ASB18: variants seen among roughly 807,000 people sequenced by gnomAD.
The protein encoded by ASB18 is ankyrin repeat and SOCS box containing 18.
In ASB18, 33 loss-of-function variants were observed where a neutral mutation model predicts 33.4. The observed-to-expected ratio is 0.99, with a 90% CI of 0.75 to 1.32. The LOEUF (loss-of-function observed/expected upper bound fraction) is 1.32, where lower values mean the gene tolerates loss of function less well. Among genes scored for constraint, ASB18 ranks in the 40% most tolerant of loss-of-function variants. The pLI, the probability that ASB18 is intolerant of heterozygous loss-of-function variation, is 0.00. For synonymous variants in ASB18, 295 were observed against 307.6 expected, an observed-to-expected ratio of 0.96 and a Z score of 0.43; for missense variants, 694 against 655.5, an observed-to-expected ratio of 1.06 and a Z score of -0.64.
chr2:236,208,621 C>T lies in ASB18; in HGVS notation c.1101+5741G>A, dbSNP rs529153826. Among the ~76,000 whole-genome samples the T allele has an allele frequency of 2.0e-5, 3 of 152,284 alleles. No homozygotes were observed. In the South Asian group the frequency reaches 6.2e-4, roughly 32 times the overall value. ...GCAAAAGCACCACCTCCTCCCGCCCCTCCCCCACCGGGTCACAGACTGTGA... is the reference window on the plus strand; with the variant it reads ...GCAAAAGCACCACCTCCTCCCGCCCTTCCCCCACCGGGTCACAGACTGTGA... On this transcript the variant is annotated intron_variant, in intron 4 of 5. Coordinates refer to ENST00000409749, the MANE Select transcript of ASB18 (RefSeq NM_212556.4). This position sits in a 1 kb window ranked among gnomAD's most constrained non-coding sequence, Gnocchi z 7.7.
At chr2:236,207,370 A>G (rs1255287844) in intron 4 of ASB18, among the ~76,000 whole-genome samples, 1 of 152,118 alleles carries the variant, frequency 6.6e-6, no homozygotes, top group Non-Finnish European at 1.5e-5. Flanking sequence ...CATCTTAACC[A>G]GTACTGTTTC....
In ASB18 at chr2:236,264,376, T is replaced by A; in HGVS notation, c.-31A>T. 2 of 1,593,566 alleles carry A rather than the reference T, an allele frequency of 1.3e-6. No individual in the cohort carries two copies. Among genetic ancestry groups the A allele is most frequent in the Non-Finnish European group, 1.7e-6 (2 of 1,161,556 alleles). ...CGTCGTTTCTGCAGTGACCAGCCCT[T>A]CTTTTCTTCCTCTAAAGCGACTCCA... On this transcript the variant is annotated 5_prime_UTR_variant, in exon 1 of 6. Transcript: ENST00000409749. This position sits in a 1 kb window ranked among gnomAD's most constrained non-coding sequence, Gnocchi z 5.1.
rs1229186707 is a variant in ASB18 at position 236,241,053 on chromosome 2, G to A, written c.328+227C>T. Among the ~76,000 whole-genome samples, 1 of 152,148 alleles carries A rather than the reference G, an allele frequency of 6.6e-6. No individual in the cohort carries two copies. The highest frequency in any genetic ancestry group is 1.5e-5 in the Non-Finnish European group (1 of 68,032). ...GACAAGAGGCACACCCAGCGTCATC[G>A]GATAGGCATTCCCACCAATCGCTGC... On this transcript the variant is annotated intron_variant, in intron 2 of 5. Transcript: ENST00000409749. The surrounding 1 kb of genome is among the most constrained non-coding windows in gnomAD (Gnocchi z 4.2).
chr2:236,243,686 T>C (rs62948960), intron 1 of ASB18, among the ~76,000 whole-genome samples: 2 of 30,836 alleles, frequency 6.5e-5, no homozygotes, highest in African/African-American at 1.9e-4. Context: ...TAATGCCACA[T>C]TTTTTTTTTC....
Position 236,205,351 on chromosome 2 carries a change from T to C in ASB18, c.1102-8966A>G, listed in dbSNP as rs1478182056. Among the ~76,000 whole-genome samples the C allele has an allele frequency of 2.0e-5, 3 of 152,238 alleles. No individual in the cohort carries two copies. Among genetic ancestry groups the C allele is most frequent in the Non-Finnish European group, 4.4e-5 (3 of 68,036 alleles). On this transcript the variant is annotated intron_variant, in intron 4 of 5. Coordinates refer to ENST00000409749, the MANE Select transcript of ASB18 (RefSeq NM_212556.4). The surrounding 1 kb of genome is among the most constrained non-coding windows in gnomAD (Gnocchi z 5.4). ...GCCCACTCCAGCCTTAGGCTACAGA[T>C]GGCTGGTCCTCTGCTGGGCTGCTCT... is the stretch of plus-strand genomic sequence containing the variant.
At position 236,229,984 on chromosome 2, in the gene ASB18, G is replaced by C. The variant is rs1441977221; in HGVS notation, c.596+7705C>G. Among the ~76,000 whole-genome samples, 2 of 152,036 alleles carry C rather than the reference G, an allele frequency of 1.3e-5. No homozygotes were observed. The highest frequency in any genetic ancestry group is 4.8e-5 in the African/African-American group (2 of 41,406). On this transcript the variant is annotated intron_variant, in intron 3 of 5. Transcript: ENST00000409749. The surrounding 1 kb of genome is among the most constrained non-coding windows in gnomAD (Gnocchi z 5.2). ...AGAACAAAGATAAAACTAGGAGTTTGAGACCACCCTGGGCAGCAAAACAAG... is the reference window on the plus strand; with the variant it reads ...AGAACAAAGATAAAACTAGGAGTTTCAGACCACCCTGGGCAGCAAAACAAG...
Position 236,203,884 on chromosome 2 carries a change from AAACC to A in ASB18, c.1102-7503_1102-7500del, listed in dbSNP as rs558164843. 5.1e-4 allele frequency among the ~76,000 whole-genome samples: 62 copies of A among 120,824 alleles called. No homozygotes were observed. The highest frequency in any genetic ancestry group is 1.8e-3 in the East Asian group (7 of 3,794). The allele number at this position is 120,824 out of a possible 152,430, so 79.3% of individuals were successfully genotyped here. On this transcript the variant is annotated intron_variant, in intron 4 of 5. Coordinates refer to ENST00000409749, the MANE Select transcript of ASB18 (RefSeq NM_212556.4). This position sits in a 1 kb window ranked among gnomAD's most constrained non-coding sequence, Gnocchi z 6.0. ...CCCCTCTCAAAAACCAAACCAAACC[AAACC>A]AACCAACCAACCAACCAACCAACCA...
Position 236,241,339 on chromosome 2 carries a change from T to C in ASB18, c.269A>G (p.Glu90Gly). The change falls in exon 2 of 6, where the codon GAG (glutamate) becomes GGG (glycine). Residue 90 changes from glutamate to glycine, a missense_variant. By Grantham distance (98) the Glu-to-Gly change is moderately conservative. Transcript: ENST00000409749. The surrounding 1 kb of genome is among the most constrained non-coding windows in gnomAD (Gnocchi z 4.2). ...QFFQDANVVF[E>G]INKDEMEWQV... ...CCATTCCATCTCATCCTTATTGATC[T>C]CAAACACCACGTTGGCATCCTGGAA... 1.2e-6 allele frequency: 2 copies of C among 1,613,892 alleles called. No homozygotes were observed. Among genetic ancestry groups the C allele is most frequent in the Non-Finnish European group, 1.7e-6 (2 of 1,179,812 alleles).
In ASB18 at chr2:236,237,650, G is replaced by T. The variant is rs1195714004; in HGVS notation, c.596+39C>A. On this transcript the variant is annotated intron_variant, in intron 3 of 5. Coordinates refer to ENST00000409749, the MANE Select transcript of ASB18 (RefSeq NM_212556.4). This position sits in a 1 kb window ranked among gnomAD's most constrained non-coding sequence, Gnocchi z 6.2. ...GGGGGAGGCGGGCGTCTGGTCTCGGGGCGGGGCGGACGCCGCGGGCCTGTC... is the reference window on the plus strand; with the variant it reads ...GGGGGAGGCGGGCGTCTGGTCTCGGTGCGGGGCGGACGCCGCGGGCCTGTC... 3 of 1,362,274 alleles carry T rather than the reference G, an allele frequency of 2.2e-6. No homozygotes were observed. 84.4% of individuals were successfully genotyped at this position (1,362,274 alleles called of 1,614,324 possible). A position where few individuals can be genotyped will look rare whatever the true frequency, so the allele number is the denominator to read the frequency against.
chr2:236,264,377 C>A lies in ASB18; in HGVS notation c.-32G>T. On this transcript the variant is annotated 5_prime_UTR_variant, in exon 1 of 6. Transcript: ENST00000409749. The surrounding 1 kb of genome is among the most constrained non-coding windows in gnomAD (Gnocchi z 5.1). ...GTCGTTTCTGCAGTGACCAGCCCTT[C>A]TTTTCTTCCTCTAAAGCGACTCCAA... 5.1e-6 allele frequency: 8 copies of A among 1,576,986 alleles called. No homozygotes were observed. The highest frequency in any genetic ancestry group is 5.2e-6 in the Non-Finnish European group (6 of 1,146,748).
In ASB18 at chr2:236,237,578, G is replaced by A; in HGVS notation, c.596+111C>T. On this transcript the variant is annotated intron_variant, in intron 3 of 5. Coordinates refer to ENST00000409749, the MANE Select transcript of ASB18 (RefSeq NM_212556.4). The surrounding 1 kb of genome is among the most constrained non-coding windows in gnomAD (Gnocchi z 6.2). ...GTCAAGGGTGCAGGGTCTGGGTCCG[G>A]AGGCGGGGGCTGGGACGGAGGCGGA... 1 of 907,600 alleles carries A rather than the reference G, an allele frequency of 1.1e-6. No homozygotes were observed. The highest frequency in any genetic ancestry group is 1.5e-6 in the Non-Finnish European group (1 of 665,742). 56.2% of individuals were successfully genotyped at this position (907,600 alleles called of 1,614,324 possible).
Position 236,237,680 on chromosome 2 carries a change from G to A in ASB18, c.596+9C>T, listed in dbSNP as rs1173651794. On this transcript the variant is annotated intron_variant, in intron 3 of 5. Transcript: ENST00000409749. The surrounding 1 kb of genome is among the most constrained non-coding windows in gnomAD (Gnocchi z 6.2). Reference sequence around the variant, plus strand: ...GGCGGACGCCGCGGGCCTGTCCCGAGGTCCTTACCCGAGCGAGGCGGCCGT... The same window carrying A: ...GGCGGACGCCGCGGGCCTGTCCCGAAGTCCTTACCCGAGCGAGGCGGCCGT... The A allele has an allele frequency of 2.1e-6, 3 of 1,436,582 alleles. No homozygotes were observed. The highest frequency in any genetic ancestry group is 1.4e-5 in the South Asian group (1 of 72,244). The allele number at this position is 1,436,582 out of a possible 1,614,324, so 89.0% of individuals were successfully genotyped here.
rs2060662910 is a variant in ASB18 at position 236,250,210 on chromosome 2, G to A, written c.206-8808C>T. 1 of 152,224 alleles carries A rather than the reference G, an allele frequency of 6.6e-6. No homozygotes were observed. The highest frequency in any genetic ancestry group is 1.5e-5 in the Non-Finnish European group (1 of 68,056). 9.4% of individuals were successfully genotyped at this position (152,224 alleles called of 1,614,324 possible). On this transcript the variant is annotated intron_variant, in intron 1 of 5. Coordinates refer to ENST00000409749, the MANE Select transcript of ASB18 (RefSeq NM_212556.4). The surrounding 1 kb of genome is among the most constrained non-coding windows in gnomAD (Gnocchi z 4.1). Reference sequence around the variant, plus strand: ...ACTAGTGATTTTCTTTTCCCCAGAAGCCTCCAAGGATTAATCCAGCTGAGG... The same window carrying A: ...ACTAGTGATTTTCTTTTCCCCAGAAACCTCCAAGGATTAATCCAGCTGAGG...
At position 236,215,001 on chromosome 2, in the gene ASB18, A is replaced by G; in HGVS notation, c.597-135T>C. On this transcript the variant is annotated intron_variant, in intron 3 of 5. Transcript: ENST00000409749. The surrounding 1 kb of genome is among the most constrained non-coding windows in gnomAD (Gnocchi z 7.2). ...CTCCGCTCTCCCATACCAAGGCGTC[A>G]GGAGTTCAAACTAAACTGGAAAAAA... 1 of 530,862 alleles carries G rather than the reference A, an allele frequency of 1.9e-6. No homozygotes were observed. The highest frequency in any genetic ancestry group is 2.1e-5 in the African/African-American group (1 of 47,630). 32.9% of individuals were successfully genotyped at this position (530,862 alleles called of 1,614,324 possible).
intron 1 of ASB18, among the ~76,000 whole-genome samples, chr2:236,258,305 T>G (rs2060702473): frequency 1.3e-5 from 2 of 152,180 alleles, no homozygotes; most frequent in Admixed American, 6.5e-5. Context: ...GTTAGTCCAA[T>G]TGGTAAAGAT....
At position 236,214,120 on chromosome 2, in the gene ASB18, T is replaced by C; in HGVS notation, c.1101+242A>G. On this transcript the variant is annotated intron_variant, in intron 4 of 5. Coordinates refer to ENST00000409749, the MANE Select transcript of ASB18 (RefSeq NM_212556.4). This position sits in a 1 kb window ranked among gnomAD's most constrained non-coding sequence, Gnocchi z 6.5. ...GTCTCGTGGCTCTAACCAGAAGGCTTCTAGGCCCCTGTTCCTCAAAATGGG... is the reference window on the plus strand; with the variant it reads ...GTCTCGTGGCTCTAACCAGAAGGCTCCTAGGCCCCTGTTCCTCAAAATGGG... The C allele has an allele frequency of 1.9e-6, 1 of 535,376 alleles. No individual in the cohort carries two copies. Among genetic ancestry groups the C allele is most frequent in the Non-Finnish European group, 3.3e-6 (1 of 305,270 alleles). 33.2% of individuals were successfully genotyped at this position (535,376 alleles called of 1,614,324 possible).
chr2:236,226,950 A>G lies in ASB18; in HGVS notation c.596+10739T>C, dbSNP rs757404704. On this transcript the variant is annotated intron_variant, in intron 3 of 5. Transcript: ENST00000409749. This position sits in a 1 kb window ranked among gnomAD's most constrained non-coding sequence, Gnocchi z 4.8. ...TTAATATCTAATATTATTATGGTAT[A>G]TTTGTCAAAACTAAGAAATTAACAA... 2.0e-5 allele frequency among the ~76,000 whole-genome samples: 3 copies of G among 152,224 alleles called. No homozygotes were observed. Among genetic ancestry groups the G allele is most frequent in the Non-Finnish European group, 2.9e-5 (2 of 68,036 alleles).
chr2:236,242,144 T>C (rs1455557204), intron 1 of ASB18, among the ~76,000 whole-genome samples: 1 of 152,218 alleles, frequency 6.6e-6, no homozygotes, highest in Non-Finnish European at 1.5e-5. Context: ...GGAAATAGCA[T>C]GGCCACGGCC....
chr2:236,197,736 C>T (rs1465960546), intron 4 of ASB18, among the ~76,000 whole-genome samples: 1 of 151,916 alleles, frequency 6.6e-6, no homozygotes, highest in Non-Finnish European at 1.5e-5. Flanking sequence ...ACAGGAGATT[C>T]GCTTGAACCT....
Sources: gnomAD v4.1 joint callset for allele counts (sites outside exome capture counted in the v4.1 genomes callset) on GRCh38, gnomAD v4.1.1 for gene constraint, Gnocchi (gnomAD v3.1) non-coding constraint, MANE v1.5 for transcripts, NCBI Gene and HGNC (gene_info 2026-07-23, HGNC 2026-07-21) for gene names.